CIC: variants seen among roughly 807,000 people sequenced by gnomAD.
The protein encoded by CIC is capicua transcriptional repressor, also known as protein capicua homolog.
A neutral mutation model predicts 115.7 loss-of-function variants in CIC; 18 were observed. That is an observed-to-expected ratio of 0.16 (90% confidence interval 0.11 to 0.23). The LOEUF (loss-of-function observed/expected upper bound fraction) is 0.23. Ranked by LOEUF, CIC falls within the 10% of genes least tolerant of loss-of-function variation. The probability of loss-of-function intolerance (pLI) is 1.00; values close to 1 mark genes in which losing one functional copy is unlikely to be tolerated. For synonymous variants in CIC, 1,076 were observed against 923.0 expected, an observed-to-expected ratio of 1.17 and a Z score of -3.01; for missense variants, 2,000 against 2,159.3, an observed-to-expected ratio of 0.93 and a Z score of 1.46.
rs1396862340 is a variant in CIC at position 42,272,963 on chromosome 19, G to C, written c.1180G>C (p.Gly394Arg). The C allele has an allele frequency of 2.5e-6, 1 of 398,900 alleles. No individual in the cohort carries two copies. The highest frequency in any genetic ancestry group is 2.1e-5 in the African/African-American group (1 of 48,634). The allele number at this position is 398,900 out of a possible 1,614,324, so 24.7% of individuals were successfully genotyped here. A position where few individuals can be genotyped will look rare whatever the true frequency, so the allele number is the denominator to read the frequency against. Residue 394 changes from glycine to arginine, a missense_variant, in exon 2 of 21, where the codon GGT becomes CGT. Gly to Arg is a moderately radical substitution (Grantham distance 125). Coordinates refer to ENST00000681038, the MANE Select transcript of CIC (RefSeq NM_001386298.1). ...VSKISFGGNLGTHCEEGEEKH... is the reference protein window; with the variant it reads ...VSKISFGGNLRTHCEEGEEKH... ...TAAGATCAGCTTTGGTGGCAACCTG[G>C]GTACTCACTGTGAGGAGGGCGAGGA...
At position 42,292,956 on chromosome 19, in the gene CIC, C is replaced by T; in HGVS notation, c.6197C>T (p.Ala2066Val). Reference protein sequence around the residue: ...APTSPFPSATAGSMTYSLVAP... With the variant: ...APTSPFPSATVGSMTYSLVAP... Reference sequence around the variant, plus strand: ...CAGCAAACAATTTTCTCCCCACTAGCAGGTTCCATGACCTACAGCTTAGTG... The same window carrying T: ...CAGCAAACAATTTTCTCCCCACTAGTAGGTTCCATGACCTACAGCTTAGTG... The change falls in exon 16 of 21, where the codon GCA becomes GTA. Residue 2066 changes from alanine (A) to valine (V), a missense_variant and splice_region_variant. By Grantham distance (64) the Ala-to-Val change is moderately conservative. This residue lies in a region of CIC where 1,466 missense variants were observed against 1,390.4 expected (regional missense o/e 1.05). Coordinates refer to ENST00000681038, the MANE Select transcript of CIC (RefSeq NM_001386298.1). The T allele has an allele frequency of 6.2e-7, 1 of 1,613,890 alleles. No individual in the cohort carries two copies. Among genetic ancestry groups the T allele is most frequent in the Non-Finnish European group, 8.5e-7 (1 of 1,180,012 alleles).
upstream of CIC, chr19:42,269,139 C>T (rs1484140583): frequency 9.9e-5 from 15 of 152,064 alleles, no homozygotes; most frequent in Admixed American, 9.2e-4. Context: ...CGTCGCTCGT[C>T]GTCGAGAGGC....
In CIC at chr19:42,293,062, T is replaced by C. The variant is rs779590720; in HGVS notation, c.6303T>C (p.Phe2101=). 1 of 1,612,322 alleles carries C rather than the reference T, an allele frequency of 6.2e-7. No individual in the cohort carries two copies. The highest frequency in any genetic ancestry group is 8.5e-7 in the Non-Finnish European group (1 of 1,179,636). ...AAIASIPVGS[F]EAGASGRPGP... The stretch of plus-strand genomic sequence containing the variant: ...TCGCCAGCATTCCCGTGGGGTCCTT[T>C]GAGGCAGGTGCCTCTGGGCGGCCTG... The change falls in exon 16 of 21, where the codon TTT becomes TTC. Residue 2101 remains phenylalanine, a synonymous_variant. Transcript: ENST00000681038.
intron 7 of CIC, 28 bp from the exon 8 acceptor site, chr19:42,288,860 T>A (rs2037857931): frequency 5.0e-6 from 8 of 1,607,026 alleles, no homozygotes; most frequent in Non-Finnish European, 6.8e-6. Context: ...GCTTACTGAC[T>A]GTCATAGCGC....
At chr19:42,290,093 C>T (rs1239178992) in intron 10 of CIC, 140 bp from the exon 11 acceptor site, 6 of 1,430,612 alleles carry the variant, frequency 4.2e-6, no homozygotes, top group Non-Finnish European at 2.9e-6. Flanking sequence ...GGGTCATAGT[C>T]AGGATGAATT....
intron 2 of CIC, chr19:42,284,408 C>T (rs1056645939): frequency 6.9e-6 from 1 of 145,220 alleles, no homozygotes; most frequent in African/African-American, 2.5e-5. Context: ...CGATGGCCCC[C>T]GTGCCGCGCG....
chr19:42,285,691 C>T (rs548369831), intron 2 of CIC, among the ~76,000 whole-genome samples: 3 of 152,164 alleles, frequency 2.0e-5, no homozygotes, highest in Non-Finnish European at 2.9e-5. Context: ...TCATCTTCCC[C>T]GAGCAGGGGC....
chr19:42,274,154 C>T lies in CIC; in HGVS notation c.2371C>T (p.Leu791=). The T allele has an allele frequency of 2.5e-6, 1 of 399,338 alleles. No homozygotes were observed. Among genetic ancestry groups the T allele is most frequent in the Non-Finnish European group, 4.4e-6 (1 of 226,504 alleles). 24.7% of individuals were successfully genotyped at this position (399,338 alleles called of 1,614,324 possible). Residue 791 remains leucine, a synonymous_variant, in exon 2 of 21, where the codon CTG becomes TTG. Coordinates refer to ENST00000681038, the MANE Select transcript of CIC (RefSeq NM_001386298.1). ...PLLLLPPPAG[L]TSDPGPSVRR... is the part of the protein sequence containing the mutation. ...GCTGCTGTTGCCACCCCCTGCCGGC[C>T]TGACCTCGGATCCAGGGCCCTCTGT...
chr19:42,293,368 TC>T lies in CIC; in HGVS notation c.6522+89del, dbSNP rs2038290088. 3 of 1,422,422 alleles carry T rather than the reference TC, an allele frequency of 2.1e-6. No homozygotes were observed. The Admixed American group carries it at 5.9e-5, about 28-fold the overall frequency. The allele number at this position is 1,422,422 out of a possible 1,614,324, so 88.1% of individuals were successfully genotyped here. A position where few individuals can be genotyped will look rare whatever the true frequency, so the allele number is the denominator to read the frequency against. On this transcript the variant is annotated intron_variant, in intron 16 of 20. Coordinates refer to ENST00000681038, the MANE Select transcript of CIC (RefSeq NM_001386298.1). ...TTTGCTTTTCTGTCCTACTCTTCTT[TC>T]CATGCCTGTGTGTCTCTCAGGTTAA...
At position 42,270,181 on chromosome 19, in the gene CIC, G is replaced by A. The variant is rs2036724151; in HGVS notation, c.-11+800G>A. ...ACATGGTAGTCTAGTGGGTCAGCGG[G>A]TATTAGGTGGTGATGGCTGCCCAAC... On this transcript the variant is annotated intron_variant, in intron 1 of 20. Transcript: ENST00000681038. The surrounding 1 kb of genome is among the most constrained non-coding windows in gnomAD (Gnocchi z 4.1). Among the ~76,000 whole-genome samples the A allele has an allele frequency of 6.6e-6, 1 of 152,220 alleles. No individual in the cohort carries two copies.
chr19:42,291,226 G>T lies in CIC; in HGVS notation c.5185G>T (p.Gly1729Trp). 1 of 1,611,412 alleles carries T rather than the reference G, an allele frequency of 6.2e-7. No individual in the cohort carries two copies. The highest frequency in any genetic ancestry group is 8.5e-7 in the Non-Finnish European group (1 of 1,179,150). ...GCAACCAGGTGCCCTGGGCAAGGCT[G>T]GGGGAATCACCCAGGTACAGTACAT... ...ILQPGALGKA[G>W]GITQVQYILP... is the part of the protein sequence containing the mutation. Residue 1729 changes from glycine (G) to tryptophan (W), a missense_variant, in exon 11 of 21, where the codon GGG becomes TGG. Transcript: ENST00000681038.
At chr19:42,281,680 T>C (rs911814746) in intron 2 of CIC, among the ~76,000 whole-genome samples, 4 of 152,140 alleles carry the variant, frequency 2.6e-5, no homozygotes, top group Non-Finnish European at 5.9e-5. Context: ...AAGCTAAGTA[T>C]AGGGCTGGCC....
chr19:42,280,571 C>A lies in CIC; in HGVS notation c.2794+5994C>A, dbSNP rs2037185920. ...CGATTAACCCCTGCGCTGCCGCGTCCTCGGGCTGGGTGGGGTACCCTCCCT... is the reference window on the plus strand; with the variant it reads ...CGATTAACCCCTGCGCTGCCGCGTCATCGGGCTGGGTGGGGTACCCTCCCT... On this transcript the variant is annotated intron_variant, in intron 2 of 20. Transcript: ENST00000681038. This position sits in a 1 kb window ranked among gnomAD's most constrained non-coding sequence, Gnocchi z 4.9. 6.6e-6 allele frequency among the ~76,000 whole-genome samples: 1 copy of A among 152,204 alleles called. No homozygotes were observed. The highest frequency in any genetic ancestry group is 2.1e-4 in the South Asian group (1 of 4,838).
Position 42,294,712 on chromosome 19 carries a change from A to G in CIC, c.7163A>G (p.Gln2388Arg). The G allele has an allele frequency of 1.9e-6, 3 of 1,613,616 alleles. No homozygotes were observed. Among genetic ancestry groups the G allele is most frequent in the Non-Finnish European group, 2.5e-6 (3 of 1,180,012 alleles). The change falls in exon 20 of 21, where the codon CAG becomes CGG. Residue 2388 changes from glutamine (Q) to arginine (R), a missense_variant. Physicochemically the swap from Gln to Arg is conservative, Grantham distance 43. Around this residue, in one of 8 missense-constraint regions of CIC, gnomAD observed 99 missense variants for 217.6 expected, o/e 0.45. Coordinates refer to ENST00000681038, the MANE Select transcript of CIC (RefSeq NM_001386298.1). The part of the protein sequence containing the change: ...QRRALVMQLF[Q>R]DHGFFPSAQA... ...CGGGCCCTGGTCATGCAGCTCTTTC[A>G]GGACCATGGCTTCTTCCCGTCAGGT...
At chr19:42,286,154 C>G (rs1451673300) in intron 2 of CIC, among the ~76,000 whole-genome samples, 1 of 152,126 alleles carries the variant, frequency 6.6e-6, no homozygotes, top group Non-Finnish European at 1.5e-5. Context: ...CCACCTGTGC[C>G]CAGCCAGGAA....
chr19:42,290,480 T>C lies in CIC; in HGVS notation c.4439T>C (p.Leu1480Pro), dbSNP rs1020965296. 8 of 1,613,548 alleles carry C rather than the reference T, an allele frequency of 5.0e-6. No individual in the cohort carries two copies. The African/African-American group carries it at 8.0e-5, about 16-fold the overall frequency. Reference sequence around the variant, plus strand: ...GGTCAGGGCAGCACAGCGGGCCCCCTACGGCCCCCACCCCCTGGGGCTGGG... The same window carrying C: ...GGTCAGGGCAGCACAGCGGGCCCCCCACGGCCCCCACCCCCTGGGGCTGGG... ...ESGQGSTAGP[L>P]RPPPPGAGGP... Residue 1480 changes from leucine to proline, a missense_variant, in exon 11 of 21, where the codon CTA (leucine) becomes CCA (proline). Around this residue, in one of 8 missense-constraint regions of CIC, gnomAD observed 1,466 missense variants for 1,390.4 expected, o/e 1.05. Transcript: ENST00000681038.
intron 2 of CIC, among the ~76,000 whole-genome samples, chr19:42,285,477 C>T (rs763757860): frequency 3.4e-4 from 52 of 152,284 alleles, no homozygotes; most frequent in African/African-American, 1.1e-3. Flanking sequence ...TCTTCGTGAT[C>T]CCAGTCCCTT....
At position 42,270,667 on chromosome 19, in the gene CIC, C is replaced by T. The variant is rs1028262786; in HGVS notation, c.-10-1107C>T. ...GGGGCTAGCCGACTCAGCCACCCTG[C>T]CAGAGCCAGCCCAGCCAGGGCGGGG... is the stretch of plus-strand genomic sequence containing the variant. On this transcript the variant is annotated intron_variant, in intron 1 of 20. Coordinates refer to ENST00000681038, the MANE Select transcript of CIC (RefSeq NM_001386298.1). This position sits in a 1 kb window ranked among gnomAD's most constrained non-coding sequence, Gnocchi z 4.1. Among the ~76,000 whole-genome samples, 1 of 152,008 alleles carries T rather than the reference C, an allele frequency of 6.6e-6. No homozygotes were observed. The highest frequency in any genetic ancestry group is 1.5e-5 in the Non-Finnish European group (1 of 67,976).
rs938025408 is a variant in CIC, at chr19:42,295,401, C to T, written c.*210C>T. On this transcript the variant is annotated 3_prime_UTR_variant, in exon 21 of 21. Coordinates refer to ENST00000681038, the MANE Select transcript of CIC (RefSeq NM_001386298.1). ...GCTGAGGGGCTGCAGGGGCAGTCTC[C>T]CTCCTCCAAGCCCCTGTACATAACC... 5 of 579,942 alleles carry T rather than the reference C, an allele frequency of 8.6e-6. No homozygotes were observed. The highest frequency in any genetic ancestry group is 3.7e-5 in the African/African-American group (2 of 53,466). 35.9% of individuals were successfully genotyped at this position (579,942 alleles called of 1,614,324 possible). A position where few individuals can be genotyped will look rare whatever the true frequency, so the allele number is the denominator to read the frequency against.
Sources: gnomAD v4.1 joint callset for allele counts (sites outside exome capture counted in the v4.1 genomes callset) on GRCh38, gnomAD v4.1.1 for gene constraint, gnomAD v4.1.1 regional missense constraint, Gnocchi (gnomAD v3.1) non-coding constraint, MANE v1.5 for transcripts, NCBI Gene and HGNC (gene_info 2026-07-23, HGNC 2026-07-21) for gene names.